Variants in CDH18 observed in about 807,000 individuals in gnomAD.
CDH18 encodes cadherin-18.
In CDH18, 31 loss-of-function variants were observed where a neutral mutation model predicts 67.9. That is an observed-to-expected ratio of 0.46 (90% CI 0.34 to 0.62). The LOEUF is 0.62. CDH18 is among the 20% of genes least tolerant of loss of function. CDH18 has a pLI of 0.01. For synonymous variants in CDH18, 362 were observed against 347.2 expected (o/e 1.04, Z -0.48); for missense variants, 890 against 975.5 (o/e 0.91, Z 1.17).
At chr5:20,009,649 A>C (rs1737229444) in intron 2 of CDH18, among the ~76,000 whole-genome samples, 1 of 152,136 alleles carries the variant, frequency 6.6e-6, no homozygotes, top group Admixed American at 6.6e-5. Context: ...AAAGTCAAAT[A>C]ATTATTGTAA....
At chr5:20,468,599 T>C (rs1444582728) in intron 1 of CDH18, among the ~76,000 whole-genome samples, 1 of 152,186 alleles carries the variant, frequency 6.6e-6, no homozygotes, top group Non-Finnish European at 1.5e-5. Flanking sequence ...CAATATTAAC[T>C]GTTAAATTTT....
At chr5:19,519,097 C>T (rs1033979679) in intron 10 of CDH18, among the ~76,000 whole-genome samples, 14 of 152,118 alleles carry the variant, frequency 9.2e-5, no homozygotes, top group Non-Finnish European at 2.1e-4. Flanking sequence ...GCTCACACTG[C>T]TGGATGGAGC....
At chr5:20,267,691 C>T (rs1021024495) in intron 1 of CDH18, among the ~76,000 whole-genome samples, 2 of 151,864 alleles carry the variant, frequency 1.3e-5, no homozygotes, top group African/African-American at 4.8e-5. Context: ...TCTTGATTTC[C>T]CTCTCATATA....
Position 20,100,423 on chromosome 5 carries a change from G to A in CDH18, c.-517-108409C>T, listed in dbSNP as rs746209823. ...ATTTTGGGTCCCTTGTATTAGAAGT[G>A]ATAACTAAAACTGCAGTTATATTTG... On this transcript the variant is annotated intron_variant, in intron 2 of 14. Transcript: ENST00000507958. 1.2e-4 allele frequency among the ~76,000 whole-genome samples: 18 copies of A among 152,196 alleles called. 1 individual carries two copies. The highest frequency in any genetic ancestry group is 2.0e-4 in the Admixed American group (3 of 15,284).
At chr5:20,197,260 C>A (rs190736199) in intron 2 of CDH18, among the ~76,000 whole-genome samples, 158 of 152,262 alleles carry the variant, frequency 1.0e-3, no homozygotes, top group African/African-American at 3.7e-3. Context: ...AATCTGCCTG[C>A]CTTGGCCTCC....
At chr5:19,796,872 C>T (rs984335826) in intron 3 of CDH18, among the ~76,000 whole-genome samples, 1 of 151,844 alleles carries the variant, frequency 6.6e-6, no homozygotes, top group African/African-American at 2.4e-5. Flanking sequence ...ACCCCTAAAG[C>T]AACCACAGTG....
chr5:19,955,257 C>T (rs1323098455), intron 2 of CDH18, among the ~76,000 whole-genome samples: 1 of 151,922 alleles, frequency 6.6e-6, no homozygotes, highest in Non-Finnish European at 1.5e-5. Context: ...GTCTCGTGCA[C>T]ATCTTTATTA....
intron 2 of CDH18, among the ~76,000 whole-genome samples, chr5:19,851,612 G>GT (rs906543679): frequency 1.3e-4 from 19 of 151,554 alleles, no homozygotes; most frequent in Admixed American, 1.2e-3. Flanking sequence ...CTATCTAACA[G>GT]TTTTTTGCCA....
intron 1 of CDH18, among the ~76,000 whole-genome samples, chr5:20,544,117 G>A (rs1457878142): frequency 2.6e-5 from 4 of 152,096 alleles, no homozygotes; most frequent in Admixed American, 6.6e-5. Context: ...GTTTATTGCT[G>A]AATCTGTTTC....
intron 11 of CDH18, among the ~76,000 whole-genome samples, chr5:19,496,920 C>G (rs1325092981): frequency 2.0e-5 from 3 of 151,048 alleles, no homozygotes; most frequent in Non-Finnish European, 4.4e-5. Flanking sequence ...ATCTTGGAAG[C>G]AGAGCCCAGG....
At chr5:19,485,415 C>T (rs376249937) in intron 11 of CDH18, among the ~76,000 whole-genome samples, 17 of 152,202 alleles carry the variant, frequency 1.1e-4, no homozygotes, top group African/African-American at 4.1e-4. Flanking sequence ...GCCAACATGC[C>T]TGGCTAATTT....
intron 2 of CDH18, among the ~76,000 whole-genome samples, chr5:19,910,571 T>C (rs1791017780): frequency 1.3e-5 from 2 of 152,186 alleles, no homozygotes; most frequent in Non-Finnish European, 2.9e-5. Context: ...CTTCTATTAA[T>C]AATTAATAAG....
chr5:20,239,507 T>C (rs1261383797), intron 2 of CDH18, among the ~76,000 whole-genome samples: 1 of 151,966 alleles, frequency 6.6e-6, no homozygotes, highest in Non-Finnish European at 1.5e-5. Flanking sequence ...TGCAAAGTAA[T>C]TTATATTACC....
At chr5:19,536,236 A>G (rs1749402305) in intron 9 of CDH18, among the ~76,000 whole-genome samples, 1 of 152,230 alleles carries the variant, frequency 6.6e-6, no homozygotes, top group South Asian at 2.1e-4. Flanking sequence ...TACTTAATGC[A>G]TGCAGAACAT....
At chr5:19,548,620 T>A (rs905813294) in intron 8 of CDH18, among the ~76,000 whole-genome samples, 1 of 151,802 alleles carries the variant, frequency 6.6e-6, no homozygotes, top group Non-Finnish European at 1.5e-5. Flanking sequence ...CTGCATGAGG[T>A]AAGTACTATT....
intron 3 of CDH18, among the ~76,000 whole-genome samples, chr5:19,812,510 G>C (rs1778838853): frequency 6.6e-6 from 1 of 152,030 alleles, no homozygotes; most frequent in African/African-American, 2.4e-5. Context: ...AAAAAATTAA[G>C]AGCAATCACA....
intron 1 of CDH18, among the ~76,000 whole-genome samples, chr5:20,282,673 TTC>T (rs1383759193): frequency 6.6e-6 from 1 of 152,174 alleles, no homozygotes; most frequent in Non-Finnish European, 1.5e-5. Flanking sequence ...TGGTCTAAAA[TTC>T]TCTTTTTTTG....
At chr5:19,735,892 T>C (rs1768255120) in intron 4 of CDH18, among the ~76,000 whole-genome samples, 1 of 152,286 alleles carries the variant, frequency 6.6e-6, no homozygotes, top group African/African-American at 2.4e-5. Context: ...ACACTGTGCA[T>C]TTTTACCCCA....
intron 1 of CDH18, among the ~76,000 whole-genome samples, chr5:20,460,899 T>C (rs1363247259): frequency 1.3e-5 from 2 of 152,216 alleles, no homozygotes; most frequent in Non-Finnish European, 2.9e-5. Flanking sequence ...CATGAGTAAC[T>C]TAACTGAGTA....
Sources: gnomAD v4.1 joint callset for allele counts (sites outside exome capture counted in the v4.1 genomes callset) on GRCh38, gnomAD v4.1.1 for gene constraint, MANE v1.5 for transcripts, NCBI Gene and HGNC (gene_info 2026-07-23, HGNC 2026-07-21) for gene names.